The following PBX3 variants were observed in gnomAD, a reference collection of about 807,000 sequenced individuals.
PBX3 encodes the protein PBX homeobox 3.
PBX3 carries 14 observed loss-of-function variants against 48.5 expected under a neutral mutation model. That is an observed-to-expected ratio of 0.29 (90% CI 0.19 to 0.45). The LOEUF (loss-of-function observed/expected upper bound fraction) is 0.45. Ranked by LOEUF, PBX3 falls within the 20% of genes least tolerant of loss-of-function variation. The pLI, the probability that PBX3 is intolerant of heterozygous loss-of-function variation, is 1.00. For synonymous variants in PBX3, 210 were observed against 200.3 expected, an observed-to-expected ratio of 1.05 and a Z score of -0.41; for missense variants, 386 against 546.7, an observed-to-expected ratio of 0.71 and a Z score of 2.93.
chr9:125,951,802 A>T (rs2118768921), intron 5 of PBX3, among the ~76,000 whole-genome samples: 1 of 152,310 alleles, frequency 6.6e-6, no homozygotes, highest in Middle Eastern at 3.4e-3. Flanking sequence ...TTGGCTCTCA[A>T]ACCCATTTAT....
chr9:125,797,557 G>T (rs1472077990), intron 2 of PBX3: 1 of 152,026 alleles, frequency 6.6e-6, no homozygotes, highest in Non-Finnish European at 1.5e-5. Flanking sequence ...AAATTTTATT[G>T]TGTGTGTTTA....
chr9:125,834,053 A>G (rs959073711), intron 2 of PBX3, among the ~76,000 whole-genome samples: 23 of 152,152 alleles, frequency 1.5e-4, no homozygotes, highest in African/African-American at 5.1e-4. Flanking sequence ...AGATTTTTCT[A>G]GATGTTGGGA....
chr9:125,862,969 A>C (rs1387734983), intron 2 of PBX3, among the ~76,000 whole-genome samples: 3 of 152,094 alleles, frequency 2.0e-5, no homozygotes, highest in Non-Finnish European at 4.4e-5. Flanking sequence ...ATCTTGGCTC[A>C]CTGCTGCAAC....
intron 2 of PBX3, among the ~76,000 whole-genome samples, chr9:125,809,970 G>A (rs934388623): frequency 3.0e-4 from 45 of 152,298 alleles, no homozygotes; most frequent in African/African-American, 9.1e-4. Flanking sequence ...TTTTGAAAAT[G>A]TGAGGATTGT....
At chr9:125,871,631 T>A (rs1259232608) in intron 2 of PBX3, among the ~76,000 whole-genome samples, 1 of 152,218 alleles carries the variant, frequency 6.6e-6, no homozygotes, top group Non-Finnish European at 1.5e-5. Context: ...GCTGCATAGA[T>A]GGTAATGTTA....
intron 2 of PBX3, among the ~76,000 whole-genome samples, chr9:125,842,381 T>C (rs1839312043): frequency 6.6e-6 from 1 of 152,194 alleles, no homozygotes; most frequent in Admixed American, 6.5e-5. Context: ...ATATCAGTTT[T>C]CTGAACTATT....
intron 2 of PBX3, among the ~76,000 whole-genome samples, chr9:125,781,112 C>T (rs1484911786): frequency 1.8e-4 from 27 of 150,700 alleles, no homozygotes; most frequent in African/African-American, 5.9e-4. Context: ...ACTTCCCAGA[C>T]GGGGTGGTGG....
intron 2 of PBX3, among the ~76,000 whole-genome samples, chr9:125,883,985 A>G (rs1020393762): frequency 2.6e-5 from 4 of 152,186 alleles, no homozygotes; most frequent in African/African-American, 7.2e-5. Context: ...CATGGCTTGT[A>G]TGGCAGCTTT....
intron 1 of PBX3, 138 bp from the exon 2 acceptor site, chr9:125,748,412 T>A: frequency 7.0e-7 from 1 of 1,430,878 alleles, no homozygotes; most frequent in East Asian, 2.5e-5. Flanking sequence ...AACTGGAGTT[T>A]TTGTTGACTT....
chr9:125,879,502 A>G (rs1195509520), intron 2 of PBX3, among the ~76,000 whole-genome samples: 2 of 152,246 alleles, frequency 1.3e-5, no homozygotes, highest in Admixed American at 1.3e-4. Flanking sequence ...AAAGTTGATT[A>G]ATTTCAAACT....
At chr9:125,930,476 T>C (rs953364409) in intron 4 of PBX3, among the ~76,000 whole-genome samples, 3 of 152,234 alleles carry the variant, frequency 2.0e-5, no homozygotes, top group Non-Finnish European at 2.9e-5. Context: ...AACGTCATAG[T>C]GTACGCTGCC....
At chr9:125,914,988 T>C (rs1841292648) in intron 2 of PBX3, among the ~76,000 whole-genome samples, 1 of 152,258 alleles carries the variant, frequency 6.6e-6, no homozygotes, top group South Asian at 2.1e-4. Flanking sequence ...TTGAGACTAC[T>C]GTGCCCAGCA....
At chr9:125,780,746 C>A (rs1417593589) in intron 2 of PBX3, among the ~76,000 whole-genome samples, 16 of 136,484 alleles carry the variant, frequency 1.2e-4, no homozygotes, top group Non-Finnish European at 2.4e-4. Context: ...ACCTCCCTCC[C>A]GGACAGGGCG....
At chr9:125,881,912 C>G (rs1164708078) in intron 2 of PBX3, among the ~76,000 whole-genome samples, 1 of 151,790 alleles carries the variant, frequency 6.6e-6, no homozygotes, top group Non-Finnish European at 1.5e-5. Context: ...TTACTAAGGG[C>G]TGGGTGCAGT....
At chr9:125,944,191 G>A (rs1212488641) in intron 5 of PBX3, among the ~76,000 whole-genome samples, 1 of 152,226 alleles carries the variant, frequency 6.6e-6, no homozygotes, top group Non-Finnish European at 1.5e-5. Flanking sequence ...ACCTTCTCCA[G>A]AGATGCTCTT....
chr9:125,870,330 A>C (rs1300209039), intron 2 of PBX3, among the ~76,000 whole-genome samples: 1 of 152,110 alleles, frequency 6.6e-6, no homozygotes, highest in Non-Finnish European at 1.5e-5. Context: ...TGGCCTCCCA[A>C]AGTGCTGGGA....
At chr9:125,924,877 A>G (rs1841538793) in intron 3 of PBX3, among the ~76,000 whole-genome samples, 1 of 152,188 alleles carries the variant, frequency 6.6e-6, no homozygotes, top group Admixed American at 6.5e-5. Flanking sequence ...TACTTGTTTC[A>G]TTTCTGAGAG....
chr9:125,945,155 C>T (rs561673850), intron 5 of PBX3, among the ~76,000 whole-genome samples: 9 of 151,442 alleles, frequency 5.9e-5, no homozygotes, highest in South Asian at 2.1e-4. Context: ...ATCCAGGAGG[C>T]GGAGTTTGCA....
At chr9:125,877,520 C>G (rs1317799562) in intron 2 of PBX3, among the ~76,000 whole-genome samples, 4 of 152,178 alleles carry the variant, frequency 2.6e-5, no homozygotes, top group African/African-American at 9.7e-5. Flanking sequence ...AAGAGATATG[C>G]TTAACCCATA....
Sources: allele counts gnomAD v4.1 joint callset (sites outside exome capture counted in the v4.1 genomes callset), GRCh38; gene constraint gnomAD v4.1.1; transcripts MANE v1.5; gene names NCBI Gene and HGNC (gene_info 2026-07-23, HGNC 2026-07-21).